GRIP1: variants seen among roughly 807,000 people sequenced by gnomAD.
GRIP1 encodes glutamate receptor interacting protein 1.
A neutral mutation model predicts 129.9 loss-of-function variants in GRIP1; 45 were observed. The ratio of observed to expected loss-of-function variants is 0.35; its 90% CI spans 0.27 to 0.44. The LOEUF (loss-of-function observed/expected upper bound fraction) is 0.44, where lower values mean the gene tolerates loss of function less well. Ranked by LOEUF, GRIP1 falls within the 20% of genes least tolerant of loss-of-function variation. The pLI is 1.00. For synonymous variants in GRIP1, 530 were observed against 520.8 expected, an observed-to-expected ratio of 1.02 and a Z score of -0.24; for missense variants, 1,196 against 1,396.8, an observed-to-expected ratio of 0.86 and a Z score of 2.29.
chr12:66,450,989 G>A (rs192976440), intron 11 of GRIP1, among the ~76,000 whole-genome samples: 75 of 152,278 alleles, frequency 4.9e-4, no homozygotes, highest in Non-Finnish European at 2.8e-4. Context: ...AGATGCTTCC[G>A]CAAGGTATTC....
intron 1 of GRIP1, among the ~76,000 whole-genome samples, chr12:66,926,858 CACT>C (rs1433508429): frequency 6.6e-6 from 1 of 152,136 alleles, no homozygotes; most frequent in Non-Finnish European, 1.5e-5. Context: ...CAAATCACAC[CACT>C]AAGAGCAAAG....
intron 5 of GRIP1, among the ~76,000 whole-genome samples, chr12:66,522,648 G>A (rs566311602): frequency 8.5e-5 from 13 of 152,320 alleles, no homozygotes; most frequent in East Asian, 1.9e-4. Flanking sequence ...CCAAAGGAAC[G>A]CAGCTCCTCA....
intron 16 of GRIP1, among the ~76,000 whole-genome samples, chr12:66,401,625 CA>C (rs971354184): frequency 3.3e-5 from 4 of 120,700 alleles, no homozygotes; most frequent in African/African-American, 1.3e-4. Flanking sequence ...CACACACACA[CA>C]CACACACACA....
intron 23 of GRIP1, among the ~76,000 whole-genome samples, chr12:66,363,250 T>C (rs1349095876): frequency 7.5e-6 from 1 of 132,796 alleles, no homozygotes; most frequent in Non-Finnish European, 1.6e-5. Flanking sequence ...ATCTCTTTTT[T>C]TTTTCCTTTT....
chr12:66,743,379 G>A (rs2036847842), intron 1 of GRIP1, among the ~76,000 whole-genome samples: 1 of 152,032 alleles, frequency 6.6e-6, no homozygotes, highest in Admixed American at 6.6e-5. Flanking sequence ...CCAAGCTGGT[G>A]GAGTGACCAG....
intron 1 of GRIP1, among the ~76,000 whole-genome samples, chr12:66,798,641 T>C (rs1180122196): frequency 6.6e-6 from 1 of 152,124 alleles, no homozygotes; most frequent in African/African-American, 2.4e-5. Flanking sequence ...CTAACTCTAA[T>C]ACTGTTTGAA....
intron 1 of GRIP1, among the ~76,000 whole-genome samples, chr12:66,994,673 T>C (rs1210685474): frequency 1.3e-5 from 2 of 152,042 alleles, no homozygotes; most frequent in Non-Finnish European, 2.9e-5. Context: ...TTCTGAATAC[T>C]ATAAAATGTT....
chr12:66,481,969 G>T (rs1438288179), intron 7 of GRIP1, among the ~76,000 whole-genome samples: 1 of 151,950 alleles, frequency 6.6e-6, no homozygotes, highest in Non-Finnish European at 1.5e-5. Flanking sequence ...GCTAGGGGAG[G>T]GATAGCATTA....
intron 1 of GRIP1, among the ~76,000 whole-genome samples, chr12:66,988,871 G>A (rs1261124086): frequency 3.9e-5 from 6 of 152,194 alleles, no homozygotes; most frequent in Admixed American, 2.6e-4. Flanking sequence ...AATGGAAGAT[G>A]TTTAGTTTTG....
At chr12:66,512,337 G>T (rs1391716646) in intron 7 of GRIP1, among the ~76,000 whole-genome samples, 1 of 152,076 alleles carries the variant, frequency 6.6e-6, no homozygotes, top group Non-Finnish European at 1.5e-5. Context: ...TAGAAGATGT[G>T]GGAAAGTTTG....
chr12:66,791,243 G>A (rs1592849712), intron 1 of GRIP1, among the ~76,000 whole-genome samples: 2 of 152,278 alleles, frequency 1.3e-5, no homozygotes, highest in East Asian at 3.9e-4. Flanking sequence ...TGGAAGGTGG[G>A]AGAAGCAGAG....
intron 2 of GRIP1, among the ~76,000 whole-genome samples, chr12:66,586,945 T>A (rs2063661519): frequency 6.6e-6 from 1 of 152,152 alleles, no homozygotes; most frequent in Non-Finnish European, 1.5e-5. Flanking sequence ...ATCAATACAT[T>A]AACCCCTACA....
intron 14 of GRIP1, among the ~76,000 whole-genome samples, chr12:66,425,057 G>A (rs1404514678): frequency 6.6e-6 from 1 of 152,100 alleles, no homozygotes; most frequent in Non-Finnish European, 1.5e-5. Flanking sequence ...TAGCTTCTGA[G>A]GAAGAGTGCA....
chr12:66,790,771 G>T (rs2038505966), intron 1 of GRIP1, among the ~76,000 whole-genome samples: 1 of 152,100 alleles, frequency 6.6e-6, no homozygotes, highest in South Asian at 2.1e-4. Context: ...CCAGAAGACA[G>T]TTGGAAAGAT....
chr12:66,530,125 C>T (rs1310564192), intron 4 of GRIP1, among the ~76,000 whole-genome samples: 1 of 152,056 alleles, frequency 6.6e-6, no homozygotes, highest in Non-Finnish European at 1.5e-5. Flanking sequence ...CATATAGATA[C>T]AAGTGGAAAC....
chr12:66,859,567 G>A (rs1462502966), intron 1 of GRIP1, among the ~76,000 whole-genome samples: 1 of 151,980 alleles, frequency 6.6e-6, no homozygotes, highest in Non-Finnish European at 1.5e-5. Flanking sequence ...TAATCTACAG[G>A]AACAAAAAGT....
chr12:67,064,830 A>C (rs1028273929), intron 1 of GRIP1, among the ~76,000 whole-genome samples: 5 of 150,794 alleles, frequency 3.3e-5, no homozygotes, highest in African/African-American at 9.8e-5. Flanking sequence ...TATACATGTG[A>C]CATGCTGGTG....
intron 1 of GRIP1, among the ~76,000 whole-genome samples, chr12:66,914,499 C>T (rs1040204953): frequency 3.9e-5 from 6 of 152,160 alleles, no homozygotes; most frequent in African/African-American, 1.4e-4. Flanking sequence ...AACATTAGCA[C>T]ATCAGTAATG....
intron 7 of GRIP1, among the ~76,000 whole-genome samples, chr12:66,479,092 G>C (rs2059719070): frequency 1.1e-5 from 1 of 90,914 alleles, no homozygotes; most frequent in Non-Finnish European, 2.1e-5. Context: ...CCTAAAATGT[G>C]AGAGATAAAA....
Sources: allele counts gnomAD v4.1 joint callset (sites outside exome capture counted in the v4.1 genomes callset), GRCh38; gene constraint gnomAD v4.1.1; transcripts MANE v1.5; gene names NCBI Gene and HGNC (gene_info 2026-07-23, HGNC 2026-07-21).